Variants in ALPK2 observed in about 807,000 individuals in gnomAD.
ALPK2 encodes alpha kinase 2, also known as alpha-protein kinase 2.
In ALPK2, 127 loss-of-function variants were observed where a neutral mutation model predicts 163.1. That is an observed-to-expected ratio of 0.78 (90% CI 0.67 to 0.90). The LOEUF (loss-of-function observed/expected upper bound fraction) is 0.90. ALPK2 is among the 40% of genes least tolerant of loss of function. The pLI, the probability that ALPK2 is intolerant of heterozygous loss-of-function variation, is 0.00. For missense variants in ALPK2, 2,360 were observed against 2,589.6 expected (o/e 0.91, Z 1.92); for synonymous variants, 953 against 959.1 (o/e 0.99, Z 0.12).
chr18:58,489,001 G>A (rs7229037), intron 12 of ALPK2, among the ~76,000 whole-genome samples: 1 of 152,078 alleles, frequency 6.6e-6, no homozygotes, highest in Admixed American at 6.5e-5. Flanking sequence ...GGAACTAAAA[G>A]GAATTAATTA....
At chr18:58,615,448 C>T (rs1002493581) in intron 1 of ALPK2, among the ~76,000 whole-genome samples, 2 of 152,242 alleles carry the variant, frequency 1.3e-5, no homozygotes, top group East Asian at 3.9e-4. Flanking sequence ...TAAGGCAAGG[C>T]ATTGAACCTA....
Position 58,579,295 on chromosome 18 carries a change from G to A in ALPK2, c.1481C>T (p.Thr494Ile), listed in dbSNP as rs1568091579. 6.2e-7 allele frequency: 1 copy of A among 1,613,966 alleles called. No individual in the cohort carries two copies. The highest frequency in any genetic ancestry group is 8.5e-7 in the Non-Finnish European group (1 of 1,180,042). ...LLNMDESVRE[T>I]EMKLLSGESE... is the part of the protein sequence containing the mutation. ...CTCACCAGACAAGAGCTTCATCTCT[G>A]TCTCTCTTACTGATTCATCCATGTT... Residue 494 changes from threonine (T) to isoleucine (I), a missense_variant, in exon 4 of 13, where the codon ACA (threonine) becomes ATA (isoleucine). By Grantham distance (89) the Thr-to-Ile change is moderately conservative (BLOSUM62 -1). Coordinates refer to ENST00000361673, the MANE Select transcript of ALPK2 (RefSeq NM_052947.4).
chr18:58,522,422 C>T (rs76169777), intron 8 of ALPK2, among the ~76,000 whole-genome samples: 3,474 of 152,312 alleles, frequency 0.023, 57 homozygotes, highest in South Asian at 0.043. Flanking sequence ...GTGAGTAATT[C>T]TCCTTAAGAG....
intron 8 of ALPK2, among the ~76,000 whole-genome samples, chr18:58,521,550 C>T (rs764695692): frequency 1.9e-4 from 28 of 150,000 alleles, no homozygotes; most frequent in African/African-American, 1.2e-4. Flanking sequence ...TTGTGAAGAG[C>T]TTGTATTTAA....
intron 10 of ALPK2, among the ~76,000 whole-genome samples, chr18:58,510,549 C>T (rs576838597): frequency 1.3e-5 from 2 of 152,286 alleles, no homozygotes; most frequent in South Asian, 4.1e-4. Context: ...TTTGTATCCT[C>T]TTTGATTACA....
intron 4 of ALPK2, among the ~76,000 whole-genome samples, chr18:58,563,182 G>T (rs936017424): frequency 6.6e-6 from 1 of 152,114 alleles, no homozygotes; most frequent in African/African-American, 2.4e-5. Flanking sequence ...CATTTTTAGA[G>T]CCCTTGGACT....
At position 58,536,482 on chromosome 18, in the gene ALPK2, C is replaced by T; in HGVS notation, c.3705G>A (p.Lys1235=). ...YRPGNWEAGN[K]LKIITLEASA... is the part of the protein sequence containing the mutation. ...AAGCCTCTAGAGTTATAATCTTCAG[C>T]TTGTTGCCTGCCTCCCAATTTCCAG... Residue 1235 remains lysine (K), a synonymous_variant, in exon 5 of 13, where the codon AAG becomes AAA. Transcript: ENST00000361673. 6.2e-7 allele frequency: 1 copy of T among 1,614,018 alleles called. No homozygotes were observed. The highest frequency in any genetic ancestry group is 8.5e-7 in the Non-Finnish European group (1 of 1,180,034).
intron 3 of ALPK2, among the ~76,000 whole-genome samples, chr18:58,601,239 G>A (rs1475549325): frequency 6.6e-6 from 1 of 151,924 alleles, no homozygotes; most frequent in East Asian, 1.9e-4. Context: ...CTGGGCAACA[G>A]TGCAAGACTC....
intron 11 of ALPK2, among the ~76,000 whole-genome samples, chr18:58,502,133 TCCACACACAC>T (rs1568067671): frequency 2.4e-5 from 2 of 83,546 alleles, no homozygotes; most frequent in Non-Finnish European, 4.7e-5. Flanking sequence ...AAACCCCATC[TCCACACACAC>T]ACACACACAC....
chr18:58,529,350 T>C (rs2051600656), intron 5 of ALPK2, 112 bp from the exon 6 acceptor site: 3 of 1,188,120 alleles, frequency 2.5e-6, no homozygotes, highest in Non-Finnish European at 3.5e-6. Flanking sequence ...TCCCCAATTA[T>C]GGAAGTGAGA....
intron 6 of ALPK2, among the ~76,000 whole-genome samples, chr18:58,527,451 G>A (rs1568074893): frequency 1.3e-5 from 2 of 152,168 alleles, no homozygotes; most frequent in East Asian, 1.9e-4. Context: ...CCTTAGCCAC[G>A]CGTCATCAGT....
At position 58,524,041 on chromosome 18, in the gene ALPK2, A is replaced by T; in HGVS notation, c.5523T>A (p.Val1841=). The stretch of plus-strand genomic sequence containing the variant: ...GACTGGCTTGCACGATGGCAAAGGA[A>T]ACAGTGGAGTTGTCCCCTGCACTGC... ...VQRSAGDNST[V]SFAIVQASPK... Residue 1841 remains valine (V), a synonymous_variant, in exon 7 of 13, where the codon GTT becomes GTA. Transcript: ENST00000361673. The T allele has an allele frequency of 6.2e-7, 1 of 1,613,824 alleles. No individual in the cohort carries two copies.
At position 58,579,333 on chromosome 18, in the gene ALPK2, A is replaced by G. The variant is rs1353544795; in HGVS notation, c.1443T>C (p.Ser481=). ...ATTCATCCATGTTGAGCAGATTGTC[A>G]CTGGCAAATTCCTCTCTTGCTTGGT... The part of the protein sequence containing the change: ...DSHQAREEFA[S]DNLLNMDESV... The change falls in exon 4 of 13, where the codon AGT becomes AGC. Residue 481 remains serine, a synonymous_variant. Transcript: ENST00000361673. The G allele has an allele frequency of 9.9e-6, 16 of 1,613,992 alleles. No individual in the cohort carries two copies. The highest frequency in any genetic ancestry group is 1.4e-5 in the Non-Finnish European group (16 of 1,180,036).
At chr18:58,492,626 C>T (rs1812837875) in intron 12 of ALPK2, among the ~76,000 whole-genome samples, 1 of 152,344 alleles carries the variant, frequency 6.6e-6, no homozygotes, top group Non-Finnish European at 1.5e-5. Flanking sequence ...TACCAGACTT[C>T]TCTAGACGTT....
intron 8 of ALPK2, among the ~76,000 whole-genome samples, chr18:58,521,851 C>T (rs948414893): frequency 6.6e-6 from 1 of 151,858 alleles, no homozygotes; most frequent in Non-Finnish European, 1.5e-5. Context: ...TAGTCTTGAT[C>T]TCTTGACCTC....
intron 4 of ALPK2, among the ~76,000 whole-genome samples, chr18:58,545,501 G>A (rs769412545): frequency 3.9e-5 from 6 of 152,182 alleles, no homozygotes; most frequent in Non-Finnish European, 5.9e-5. Flanking sequence ...AGGGCCTTAG[G>A]CAAGGTGAAC....
rs2051658505 is a variant in ALPK2 at position 58,537,496 on chromosome 18, G to A, written c.2691C>T (p.Asn897=). The part of the protein sequence containing the change: ...SPLFTSTFTL[N]ISHTASEGAT... ...CACCTTCACTAGCTGTGTGTGAAAT[G>A]TTCAAGGTGAAAGTACTGGTAAAAA... The change falls in exon 5 of 13, where the codon AAC becomes AAT. Residue 897 remains asparagine (N), a synonymous_variant. Coordinates refer to ENST00000361673, the MANE Select transcript of ALPK2 (RefSeq NM_052947.4). 1 of 1,612,334 alleles carries A rather than the reference G, an allele frequency of 6.2e-7. No homozygotes were observed. Among genetic ancestry groups the A allele is most frequent in the Non-Finnish European group, 8.5e-7 (1 of 1,178,766 alleles).
At chr18:58,555,731 G>T (rs2051787083) in intron 4 of ALPK2, among the ~76,000 whole-genome samples, 1 of 152,196 alleles carries the variant, frequency 6.6e-6, no homozygotes, top group South Asian at 2.1e-4. Context: ...GGAGATGCTG[G>T]TGGCCCAACA....
chr18:58,500,752 C>T (rs1017870015), intron 11 of ALPK2, among the ~76,000 whole-genome samples: 8 of 148,242 alleles, frequency 5.4e-5, no homozygotes, highest in Admixed American at 2.7e-4. Context: ...GGTGAAACCC[C>T]GTCTCTACTA....
Sources: allele counts gnomAD v4.1 joint callset (sites outside exome capture counted in the v4.1 genomes callset), GRCh38; gene constraint gnomAD v4.1.1; transcripts MANE v1.5; gene names NCBI Gene and HGNC (gene_info 2026-07-23, HGNC 2026-07-21).